Variants in SEMA3A observed in about 807,000 individuals in gnomAD.
SEMA3A encodes semaphorin 3A.
Under a neutral mutation model 97.9 loss-of-function variants are expected in SEMA3A, and 29 were observed. The observed-to-expected ratio is 0.30, with a 90% CI of 0.22 to 0.40. The LOEUF is 0.40. SEMA3A is among the 10% of genes least tolerant of loss of function. SEMA3A has a pLI of 1.00. For synonymous variants in SEMA3A, 321 were observed against 323.7 expected (o/e 0.99, Z 0.09); for missense variants, 763 against 951.3 (o/e 0.80, Z 2.60).
intron 6 of SEMA3A, among the ~76,000 whole-genome samples, chr7:84,044,017 T>A (rs879895225): frequency 6.6e-6 from 1 of 152,056 alleles, no homozygotes; most frequent in Admixed American, 6.6e-5. Flanking sequence ...TGTTATTCCA[T>A]CTTCTAATGA....
intron 2 of SEMA3A, among the ~76,000 whole-genome samples, chr7:84,353,393 GT>G (rs1259680576): frequency 2.0e-5 from 3 of 151,346 alleles, no homozygotes; most frequent in African/African-American, 7.3e-5. Flanking sequence ...TAATAGGGGT[GT>G]TTTTGAAATT....
chr7:84,431,292 G>A (rs1804972520), intron 1 of SEMA3A, among the ~76,000 whole-genome samples: 1 of 151,982 alleles, frequency 6.6e-6, no homozygotes, highest in Non-Finnish European at 1.5e-5. Context: ...TTCTGCCCAT[G>A]AATATTGAAA....
intron 2 of SEMA3A, among the ~76,000 whole-genome samples, chr7:84,365,092 T>C (rs966035143): frequency 6.6e-6 from 1 of 151,442 alleles, no homozygotes; most frequent in African/African-American, 2.4e-5. Context: ...TAATTAGGAA[T>C]AGTAATATAG....
intron 3 of SEMA3A, among the ~76,000 whole-genome samples, chr7:84,286,311 T>C (rs1800586957): frequency 6.6e-6 from 1 of 152,106 alleles, no homozygotes; most frequent in African/African-American, 2.4e-5. Flanking sequence ...TGGCAGACAG[T>C]GAAGGAATGT....
chr7:84,265,926 A>T (rs1015924656), intron 3 of SEMA3A, among the ~76,000 whole-genome samples: 6 of 152,180 alleles, frequency 3.9e-5, no homozygotes, highest in Non-Finnish European at 8.8e-5. Flanking sequence ...TTTTAGGATT[A>T]TGGCATGAAT....
intron 1 of SEMA3A, among the ~76,000 whole-genome samples, chr7:84,424,531 AAT>A (rs1491500268): frequency 2.4e-4 from 15 of 63,722 alleles, no homozygotes; most frequent in Non-Finnish European, 3.1e-4. Flanking sequence ...TGTTATATAT[AAT>A]ATATAAATAT....
At chr7:84,420,141 C>T (rs1228960) in intron 1 of SEMA3A, among the ~76,000 whole-genome samples, 114,527 of 151,690 alleles carry the variant, frequency 0.76, 44,840 homozygotes, top group East Asian at 0.96. Flanking sequence ...TTGGATAAAA[C>T]AGTCACATGA....
At chr7:84,097,670 A>G (rs1212496931) in intron 4 of SEMA3A, among the ~76,000 whole-genome samples, 1 of 152,170 alleles carries the variant, frequency 6.6e-6, no homozygotes, top group Non-Finnish European at 1.5e-5. Flanking sequence ...ATTTCTGATA[A>G]TTTGAAATAA....
At position 84,259,278 on chromosome 7, in the gene SEMA3A, G is replaced by A. The variant is rs57572965; in HGVS notation, c.-83+47929C>T. On this transcript the variant is annotated intron_variant, in intron 3 of 3. Coordinates refer to the SEMA3A transcript ENST00000424555. ...ATGCAACACACAATTTATGAAGAGA[G>A]TTTTGTTTCTTCTATACTTGTTCTG... Among the ~76,000 whole-genome samples the A allele has an allele frequency of 3.5e-3, 535 of 152,246 alleles. 1 individual carries two copies. Among genetic ancestry groups the A allele is most frequent in the African/African-American group, 0.012 (493 of 41,554 alleles).
rs1791173521 is a variant in SEMA3A at position 84,018,036 on chromosome 7, AT to A, written c.668-3686del. Among the ~76,000 whole-genome samples, 6 of 152,318 alleles carry A rather than the reference AT, an allele frequency of 3.9e-5. No homozygotes were observed. The South Asian group carries it at 1.2e-3, about 32-fold the overall frequency. ...ACAAGAACCCTAGTGTTGCTAAGAAATTGTTTTATTTTCTTATAAGATCACT... is the reference window on the plus strand; with the variant it reads ...ACAAGAACCCTAGTGTTGCTAAGAAATGTTTTATTTTCTTATAAGATCACT... On this transcript the variant is annotated intron_variant, in intron 6 of 16. Transcript: ENST00000265362.
At chr7:84,405,148 C>T (rs1351750350) in intron 1 of SEMA3A, among the ~76,000 whole-genome samples, 4 of 151,962 alleles carry the variant, frequency 2.6e-5, no homozygotes, top group African/African-American at 9.7e-5. Flanking sequence ...CTCAGGAAAC[C>T]CATCTCAGGT....
At position 84,157,386 on chromosome 7, in the gene SEMA3A, A is replaced by G. The variant is rs1050112420; in HGVS notation, c.113-22435T>C. 6.6e-5 allele frequency among the ~76,000 whole-genome samples: 10 copies of G among 152,088 alleles called. 1 individual carries two copies. The highest frequency in any genetic ancestry group is 3.9e-4 in the Admixed American group (6 of 15,278). ...ATCTGTAGGCATCTCAAAAGCCTTGAGTTCACAGTCTTTTGAGTACTAATT... is the reference window on the plus strand; with the variant it reads ...ATCTGTAGGCATCTCAAAAGCCTTGGGTTCACAGTCTTTTGAGTACTAATT... On this transcript the variant is annotated intron_variant, in intron 1 of 16. Transcript: ENST00000265362.
chr7:84,052,648 C>T (rs990849670), intron 5 of SEMA3A, among the ~76,000 whole-genome samples: 2 of 151,766 alleles, frequency 1.3e-5, no homozygotes, highest in Non-Finnish European at 2.9e-5. Flanking sequence ...TTTGTTGATC[C>T]TTTCAAAAAA....
At chr7:83,970,283 A>G (rs1788863168) in intron 15 of SEMA3A, among the ~76,000 whole-genome samples, 1 of 152,180 alleles carries the variant, frequency 6.6e-6, no homozygotes, top group Admixed American at 6.5e-5. Context: ...CTAATAAACC[A>G]GAAAGAATGG....
At chr7:84,488,398 CTA>C (rs1315102995) in intron 1 of SEMA3A, among the ~76,000 whole-genome samples, 1 of 151,692 alleles carries the variant, frequency 6.6e-6, no homozygotes, top group Admixed American at 6.6e-5. Context: ...AATTGCCATT[CTA>C]TCTTTCAAAA....
chr7:84,425,543 T>C (rs1467051515), intron 1 of SEMA3A, among the ~76,000 whole-genome samples: 5 of 144,906 alleles, frequency 3.5e-5, no homozygotes, highest in Non-Finnish European at 7.5e-5. Context: ...TATATTTATA[T>C]GAATATAAAC....
intron 1 of SEMA3A, among the ~76,000 whole-genome samples, chr7:84,143,831 G>A (rs999549032): frequency 2.6e-5 from 4 of 151,390 alleles, no homozygotes. Context: ...AGAAAAAGTA[G>A]AGGTATAGGT....
chr7:84,415,991 A>C (rs1416933704), intron 1 of SEMA3A, among the ~76,000 whole-genome samples: 1 of 152,138 alleles, frequency 6.6e-6, no homozygotes, highest in African/African-American at 2.4e-5. Flanking sequence ...AATAGTATTA[A>C]ATTTTATTTC....
intron 1 of SEMA3A, among the ~76,000 whole-genome samples, chr7:84,433,835 T>C (rs1365454974): frequency 6.6e-6 from 1 of 152,220 alleles, no homozygotes; most frequent in Non-Finnish European, 1.5e-5. Flanking sequence ...GCAGTGATTA[T>C]CAGCTTTCTT....
Sources: allele counts gnomAD v4.1 joint callset (sites outside exome capture counted in the v4.1 genomes callset), GRCh38; gene constraint gnomAD v4.1.1; transcripts MANE v1.5; gene names NCBI Gene and HGNC (gene_info 2026-07-23, HGNC 2026-07-21).